Variants in ARK2N observed in about 807,000 individuals in gnomAD.
ARK2N encodes the protein arkadia (RNF111) N-terminal like PKA signaling regulator 2N.
the ARK2N span, among the ~76,000 whole-genome samples, chr18:46,222,915 T>A: frequency 1.3e-5 from 2 of 152,218 alleles, no homozygotes; most frequent in African/African-American, 4.8e-5. Context: ...GGGTTCACTC[T>A]TGGTGTTGTA....
chr18:46,243,867 G>C, the ARK2N span, among the ~76,000 whole-genome samples: 1 of 152,206 alleles, frequency 6.6e-6, no homozygotes, highest in African/African-American at 2.4e-5. Flanking sequence ...ACGGAGGACA[G>C]CACATAGTAG....
the ARK2N span, chr18:46,215,751 A>T: frequency 4.8e-6 from 4 of 839,188 alleles, no homozygotes; most frequent in Admixed American, 5.4e-5. Flanking sequence ...AAAGGTAGGC[A>T]TGTTGTGTTG....
At chr18:46,190,206 C>T in the ARK2N span, among the ~76,000 whole-genome samples, 2 of 152,024 alleles carry the variant, frequency 1.3e-5, no homozygotes, top group Non-Finnish European at 2.9e-5. Context: ...CCATTTTTAT[C>T]TTGTGTAGTG....
the ARK2N span, among the ~76,000 whole-genome samples, chr18:46,199,480 T>A: frequency 8.4e-6 from 1 of 118,484 alleles, no homozygotes; most frequent in African/African-American, 3.1e-5. Flanking sequence ...CACACCCAGC[T>A]CATTTTTTTT....
the ARK2N span, chr18:46,215,902 G>A: frequency 3.1e-6 from 5 of 1,612,172 alleles, no homozygotes; most frequent in Non-Finnish European, 4.2e-6. Flanking sequence ...GGAGGCAGTG[G>A]GAAAAGTTGA....
the ARK2N span, among the ~76,000 whole-genome samples, chr18:46,199,968 A>G: frequency 6.6e-6 from 1 of 151,754 alleles, no homozygotes; most frequent in African/African-American, 2.4e-5. Context: ...GCTCTCTCCT[A>G]CTTGTTCTCT....
the ARK2N span, chr18:46,240,180 A>G: frequency 6.2e-7 from 1 of 1,614,156 alleles, no homozygotes; most frequent in South Asian, 1.1e-5. Context: ...AGCTGAATGC[A>G]GAGGCAGGTT....
the ARK2N span, among the ~76,000 whole-genome samples, chr18:46,207,400 T>TG: frequency 6.7e-6 from 1 of 149,508 alleles, no homozygotes; most frequent in African/African-American, 2.5e-5. Flanking sequence ...TTTTTTTTTT[T>TG]TTTTTTTGAG....
the ARK2N span, among the ~76,000 whole-genome samples, chr18:46,200,411 G>T: frequency 2.6e-5 from 4 of 152,066 alleles, no homozygotes; most frequent in African/African-American, 4.8e-5. Context: ...GGGTTCAAGC[G>T]ATTCTCCTGC....
the ARK2N span, among the ~76,000 whole-genome samples, chr18:46,214,493 AGTTATAAG>A: frequency 6.6e-6 from 1 of 152,192 alleles, no homozygotes; most frequent in African/African-American, 2.4e-5. Flanking sequence ...GATGTCCTTT[AGTTATAAG>A]GTTAATGAGA....
At chr18:46,249,733 C>T in the ARK2N span, among the ~76,000 whole-genome samples, 7 of 152,222 alleles carry the variant, frequency 4.6e-5, no homozygotes, top group Admixed American at 6.5e-5. Flanking sequence ...AAACACCCTT[C>T]CCTCAAGCCC....
chr18:46,246,440 C>T, the ARK2N span, among the ~76,000 whole-genome samples: 4 of 152,276 alleles, frequency 2.6e-5, no homozygotes, highest in African/African-American at 4.8e-5. Context: ...TTGTAGAGCA[C>T]GGCATCTCAT....
chr18:46,176,480 A>G, the ARK2N span, among the ~76,000 whole-genome samples: 1 of 148,380 alleles, frequency 6.7e-6, no homozygotes, highest in Non-Finnish European at 1.5e-5. Context: ...TTTTAAAGAC[A>G]CTCTTGCTCT....
At chr18:46,224,659 A>G in the ARK2N span, among the ~76,000 whole-genome samples, 1 of 152,202 alleles carries the variant, frequency 6.6e-6, no homozygotes, top group Non-Finnish European at 1.5e-5. Context: ...CTACTGTTAA[A>G]GATTCAGTCA....
At chr18:46,210,305 A>G in the ARK2N span, among the ~76,000 whole-genome samples, 2 of 152,236 alleles carry the variant, frequency 1.3e-5, no homozygotes, top group East Asian at 3.8e-4. Flanking sequence ...AATGATGGAC[A>G]TGGTGAATGA....
the ARK2N span, among the ~76,000 whole-genome samples, chr18:46,257,929 AT>A: frequency 0.71 from 102,481 of 144,606 alleles, 36,061 homozygotes; most frequent in Non-Finnish European, 0.74. Flanking sequence ...CCAGTTGCTA[AT>A]TTTTTTTTTT....
the ARK2N span, chr18:46,216,649 A>G: frequency 4.8e-6 from 7 of 1,459,838 alleles, no homozygotes; most frequent in African/African-American, 1.4e-5. The surrounding 1 kb of genome is among the most constrained non-coding windows in gnomAD (Gnocchi z 4.3). Flanking sequence ...TTTCTCAGCT[A>G]TCAGGTTCAG....
chr18:46,199,020 A>G, the ARK2N span, among the ~76,000 whole-genome samples: 3,430 of 152,330 alleles, frequency 0.023, 65 homozygotes, highest in Non-Finnish European at 0.032. Context: ...TAGTCCAGCT[A>G]GAATTGGAAG....
chr18:46,177,525 G>A, the ARK2N span, among the ~76,000 whole-genome samples: 1 of 149,898 alleles, frequency 6.7e-6, no homozygotes, highest in African/African-American at 2.5e-5. Flanking sequence ...TCTGCCTTCC[G>A]GGTTCAAATG....
Sources: allele counts gnomAD v4.1 joint callset (sites outside exome capture counted in the v4.1 genomes callset), GRCh38; gene constraint gnomAD v4.1.1; non-coding constraint Gnocchi (gnomAD v3.1); transcripts MANE v1.5; gene names NCBI Gene and HGNC (gene_info 2026-07-23, HGNC 2026-07-21).